Variants in TUSC3 observed in about 807,000 individuals in gnomAD.
The protein encoded by TUSC3 is tumor suppressor candidate 3, also known as dolichyl-diphosphooligosaccharide--protein glycosyltransferase subunit TUSC3.
In TUSC3, 45 loss-of-function variants were observed where a neutral mutation model predicts 44.8. The observed-to-expected ratio is 1.00, with a 90% confidence interval of 0.79 to 1.29. The LOEUF is 1.29. TUSC3 is among the 50% of genes most tolerant of loss of function. The pLI is 0.00. For missense variants in TUSC3, 519 were observed against 437.9 expected (o/e 1.19, Z -1.65); for synonymous variants, 212 against 152.9 (o/e 1.39, Z -2.85).
At chr8:15,667,561 A>G (rs1297593961) in intron 5 of TUSC3, among the ~76,000 whole-genome samples, 1 of 151,760 alleles carries the variant, frequency 6.6e-6, no homozygotes, top group Non-Finnish European at 1.5e-5. Flanking sequence ...TAAAATGTGT[A>G]TAGAATATTA....
chr8:15,818,758 G>T, the TUSC3 span, among the ~76,000 whole-genome samples: 1 of 152,184 alleles, frequency 6.6e-6, no homozygotes, highest in African/African-American at 2.4e-5. Flanking sequence ...AAATACTCAT[G>T]TACTTGCTTC....
Position 15,540,320 on chromosome 8 carries a change from C to T in TUSC3, c.-111C>T. 7 of 1,351,196 alleles carry T rather than the reference C, an allele frequency of 5.2e-6. No homozygotes were observed. Among genetic ancestry groups the T allele is most frequent in the East Asian group, 3.0e-5 (1 of 32,856 alleles). The allele number at this position is 1,351,196 out of a possible 1,614,324, so 83.7% of individuals were successfully genotyped here. A position where few individuals can be genotyped will look rare whatever the true frequency, so the allele number is the denominator to read the frequency against. On this transcript the variant is annotated 5_prime_UTR_variant, in exon 1 of 11. Transcript: ENST00000503731. ...GGGTCCCTCGCAAAGCCGCTGCCAT[C>T]CCGGAGGGCCCAGCCAGCGGGCTCC...
chr8:15,597,249 T>G (rs2129153045), intron 1 of TUSC3, among the ~76,000 whole-genome samples: 1 of 152,254 alleles, frequency 6.6e-6, no homozygotes. Context: ...ACTCAGGATC[T>G]GTCTACACTG....
rs376559585 is a variant in TUSC3 at position 15,714,983 on chromosome 8, A to G, written c.799-15683A>G. On this transcript the variant is annotated intron_variant, in intron 6 of 10. Coordinates refer to ENST00000503731, the MANE Select transcript of TUSC3 (RefSeq NM_006765.4). ...TACAACGGTAACAGCATGAAATTGCATATTATACAACGTTGCATTTGAATG... is the reference window on the plus strand; with the variant it reads ...TACAACGGTAACAGCATGAAATTGCGTATTATACAACGTTGCATTTGAATG... Among the ~76,000 whole-genome samples, 33 of 152,314 alleles carry G rather than the reference A, an allele frequency of 2.2e-4. 1 individual carries two copies. The highest frequency in any genetic ancestry group is 1.2e-3 in the East Asian group (6 of 5,184).
intron 5 of TUSC3, among the ~76,000 whole-genome samples, chr8:15,670,889 T>C (rs567368452): frequency 1.3e-5 from 2 of 152,034 alleles, no homozygotes; most frequent in African/African-American, 4.8e-5. Flanking sequence ...TGCTGGGTAC[T>C]TCACAAAAAT....
intron 5 of TUSC3, among the ~76,000 whole-genome samples, chr8:15,667,494 CTTAT>C (rs577223623): frequency 1.1e-3 from 173 of 151,652 alleles, no homozygotes; most frequent in African/African-American, 4.0e-3. Flanking sequence ...CATTAAATTA[CTTAT>C]AACTTGAAAA....
Position 15,581,398 on chromosome 8 carries a change from A to G in TUSC3, c.138+40830A>G, listed in dbSNP as rs1288104673. On this transcript the variant is annotated intron_variant, in intron 1 of 10. Transcript: ENST00000503731. Reference sequence around the variant, plus strand: ...CTTTGGAGGAGGAGAGGCGCTCTGCATTTTAGAGTTTCCAGTTTTTCAGTT... The same window carrying G: ...CTTTGGAGGAGGAGAGGCGCTCTGCGTTTTAGAGTTTCCAGTTTTTCAGTT... 3.6e-3 allele frequency among the ~76,000 whole-genome samples: 530 copies of G among 147,510 alleles called. 4 individuals carry two copies. The highest frequency in any genetic ancestry group is 0.012 in the South Asian group (56 of 4,592).
intron 1 of TUSC3, among the ~76,000 whole-genome samples, chr8:15,607,220 A>AT (rs1359605840): frequency 2.6e-5 from 4 of 152,078 alleles, no homozygotes; most frequent in Admixed American, 1.3e-4. Flanking sequence ...TTTTCAGTAC[A>AT]TTTTTTTCAT....
At chr8:15,574,001 A>G (rs2129144256) in intron 1 of TUSC3, among the ~76,000 whole-genome samples, 1 of 152,308 alleles carries the variant, frequency 6.6e-6, no homozygotes, top group African/African-American at 2.4e-5. Flanking sequence ...AGGCACTTCC[A>G]TACCATTTTT....
At chr8:15,643,244 T>G (rs1806465159) in intron 2 of TUSC3, among the ~76,000 whole-genome samples, 1 of 152,226 alleles carries the variant, frequency 6.6e-6, no homozygotes, top group Non-Finnish European at 1.5e-5. Flanking sequence ...ACCTCTTTCT[T>G]TGTAAATTAC....
chr8:15,657,537 T>G lies in TUSC3; in HGVS notation c.427-1970T>G, dbSNP rs78250276. Among the ~76,000 whole-genome samples the G allele has an allele frequency of 3.2e-3, 493 of 152,336 alleles. 18 individuals are homozygous for G. The East Asian group carries it at 0.068, about 21-fold the overall frequency. ...GAGACCTCATCAGAATGGCTTTTACTGTCCATATTTCTTACCAGCATTCTG... is the reference window on the plus strand; with the variant it reads ...GAGACCTCATCAGAATGGCTTTTACGGTCCATATTTCTTACCAGCATTCTG... On this transcript the variant is annotated intron_variant, in intron 3 of 10. Transcript: ENST00000503731.
At chr8:15,754,196 G>T (rs537058960) in intron 9 of TUSC3, among the ~76,000 whole-genome samples, 1 of 152,066 alleles carries the variant, frequency 6.6e-6, no homozygotes, top group Non-Finnish European at 1.5e-5. Flanking sequence ...ACATACTCCC[G>T]AAGGTATTTC....
intron 10 of TUSC3, among the ~76,000 whole-genome samples, chr8:15,759,579 C>G (rs1812086704): frequency 6.6e-6 from 1 of 152,034 alleles, no homozygotes; most frequent in Non-Finnish European, 1.5e-5. Flanking sequence ...TTGATATACC[C>G]TCGGTCTCCA....
chr8:15,448,921 C>T (rs1800148376), intron 1 of TUSC3, among the ~76,000 whole-genome samples: 2 of 151,932 alleles, frequency 1.3e-5, no homozygotes, highest in Non-Finnish European at 2.9e-5. Context: ...CATCATAGTG[C>T]TTTTACTTTA....
At chr8:15,632,649 A>C (rs1424908431) in intron 2 of TUSC3, among the ~76,000 whole-genome samples, 2 of 152,208 alleles carry the variant, frequency 1.3e-5, no homozygotes, top group Non-Finnish European at 2.9e-5. Context: ...ATATTACATT[A>C]GTGATTGTGA....
At position 15,668,163 on chromosome 8, in the gene TUSC3, C is replaced by T. The variant is rs573464292; in HGVS notation, c.709-5584C>T. Among the ~76,000 whole-genome samples the T allele has an allele frequency of 4.8e-4, 73 of 151,766 alleles. No individual in the cohort carries two copies. The Middle Eastern group carries it at 0.01, about 21-fold the overall frequency. On this transcript the variant is annotated intron_variant, in intron 5 of 10. Transcript: ENST00000503731. The stretch of plus-strand genomic sequence containing the variant: ...CCACAGCATTTAGAATTGTGCCTGG[C>T]ATGTAGAAAGTGTTTAGTAAATATT...
intron 1 of TUSC3, among the ~76,000 whole-genome samples, chr8:15,597,517 A>G (rs1804121297): frequency 1.3e-5 from 2 of 152,226 alleles, no homozygotes; most frequent in South Asian, 4.1e-4. Context: ...GCTTTAAGTT[A>G]AATAAAATTC....
At chr8:15,424,835 C>G (rs1168678979) in intron 1 of TUSC3, among the ~76,000 whole-genome samples, 5 of 151,436 alleles carry the variant, frequency 3.3e-5, no homozygotes, top group Non-Finnish European at 2.9e-5. Flanking sequence ...GCCGAGGTAG[C>G]ACCACTGTAT....
At position 15,689,515 on chromosome 8, in the gene TUSC3, C is replaced by T. The variant is rs1420393456; in HGVS notation, c.798+15679C>T. 3.0e-5 allele frequency: 5 copies of T among 165,716 alleles called. No homozygotes were observed. The South Asian group carries it at 5.1e-4, about 17-fold the overall frequency. The allele number at this position is 165,716 out of a possible 1,614,324, so 10.3% of individuals were successfully genotyped here. On this transcript the variant is annotated intron_variant, in intron 6 of 10. Coordinates refer to ENST00000503731, the MANE Select transcript of TUSC3 (RefSeq NM_006765.4). ...GCCACTCCGTTCCCCAGGACAGGAT[C>T]CCCAGGGGTGCCAGCAGGGACACCG...
Sources: allele counts gnomAD v4.1 joint callset (sites outside exome capture counted in the v4.1 genomes callset), GRCh38; gene constraint gnomAD v4.1.1; transcripts MANE v1.5; gene names NCBI Gene and HGNC (gene_info 2026-07-23, HGNC 2026-07-21).